Variants in ROBO2 observed in about 807,000 individuals in gnomAD.
ROBO2 encodes roundabout guidance receptor 2.
ROBO2 carries 53 observed loss-of-function variants against 160.8 expected under a neutral mutation model. That is an observed-to-expected ratio of 0.33 (90% CI 0.26 to 0.41). The LOEUF (loss-of-function observed/expected upper bound fraction) is 0.41, where lower values mean the gene tolerates loss of function less well. ROBO2 is among the 10% of genes least tolerant of loss of function. The probability of loss-of-function intolerance (pLI) is 1.00; values close to 1 mark genes in which losing one functional copy is unlikely to be tolerated. For missense variants in ROBO2, 1,577 were observed against 1,722.4 expected, an observed-to-expected ratio of 0.92 and a Z score of 1.49; for synonymous variants, 664 against 611.7, an observed-to-expected ratio of 1.09 and a Z score of -1.26.
chr3:76,297,828 G>C (rs1465097755), intron 2 of ROBO2, among the ~76,000 whole-genome samples: 1 of 151,782 alleles, frequency 6.6e-6, no homozygotes, highest in Non-Finnish European at 1.5e-5. Context: ...GAGAAACTGT[G>C]TTTCAATCTA....
At chr3:76,073,672 C>A (rs9754680) in intron 2 of ROBO2, among the ~76,000 whole-genome samples, 95,149 of 151,588 alleles carry the variant, frequency 0.63, 30,472 homozygotes, top group Middle Eastern at 0.76. Flanking sequence ...CTGAACAATA[C>A]GTTAAATTGG....
chr3:77,269,819 A>G (rs1031166756), intron 2 of ROBO2, among the ~76,000 whole-genome samples: 1 of 152,152 alleles, frequency 6.6e-6, no homozygotes, highest in Non-Finnish European at 1.5e-5. Context: ...AAATGTGGTG[A>G]GAAAAACTTT....
rs184984875 is a variant in ROBO2, at chr3:75,951,336, T to C, written c.109+13734T>C. Among the ~76,000 whole-genome samples the C allele has an allele frequency of 5.0e-4, 76 of 152,202 alleles. 1 individual carries two copies. Among genetic ancestry groups the C allele is most frequent in the Non-Finnish European group, 1.0e-3 (70 of 68,000 alleles). On this transcript the variant is annotated intron_variant, in intron 2 of 26. Coordinates refer to the ROBO2 transcript ENST00000487694. The stretch of plus-strand genomic sequence containing the variant: ...TCTGTAAAGAACTGGACAGTAAATA[T>C]TATAGGCTTTGCTGGCCATATGCAG...
chr3:77,410,998 T>G (rs1316722622), intron 2 of ROBO2, among the ~76,000 whole-genome samples: 1 of 151,926 alleles, frequency 6.6e-6, no homozygotes, highest in Non-Finnish European at 1.5e-5. Context: ...AGAGATGAGG[T>G]CTTGCTATTT....
intron 1 of ROBO2, among the ~76,000 whole-genome samples, chr3:75,927,908 A>C (rs1947350878): frequency 6.6e-6 from 1 of 151,784 alleles, no homozygotes; most frequent in Non-Finnish European, 1.5e-5. Context: ...AGATATAGAC[A>C]CACAGGTGTA....
At chr3:77,188,730 AAAAATTTAAAAATC>A in intron 2 of ROBO2, among the ~76,000 whole-genome samples, 1 of 152,054 alleles carries the variant, frequency 6.6e-6, no homozygotes, top group East Asian at 1.9e-4. Context: ...TGTGTTCACC[AAAAATTTAAAAATC>A]ACTAGTCCTG....
chr3:76,254,165 G>A (rs1706212011), intron 2 of ROBO2, among the ~76,000 whole-genome samples: 1 of 152,022 alleles, frequency 6.6e-6, no homozygotes, highest in African/African-American at 2.4e-5. Context: ...TATGATTGTA[G>A]TGATATGAAT....
chr3:75,962,546 T>G (rs1223061288), intron 2 of ROBO2, among the ~76,000 whole-genome samples: 2 of 151,874 alleles, frequency 1.3e-5, no homozygotes, highest in East Asian at 3.9e-4. Flanking sequence ...CCAAATATTG[T>G]GTATATCTGT....
At chr3:77,556,293 T>G (rs1036127239) in intron 8 of ROBO2, among the ~76,000 whole-genome samples, 1 of 151,944 alleles carries the variant, frequency 6.6e-6, no homozygotes, top group African/African-American at 2.4e-5. Flanking sequence ...TTCAATATTT[T>G]CTTAAAATGT....
At chr3:77,086,537 C>A (rs974938479) in intron 1 of ROBO2, among the ~76,000 whole-genome samples, 2 of 152,230 alleles carry the variant, frequency 1.3e-5, no homozygotes, top group South Asian at 2.1e-4. Context: ...CAAAATTTTG[C>A]ATCCGGTGCC....
chr3:76,711,678 TTAGA>T (rs534624634), intron 2 of ROBO2, among the ~76,000 whole-genome samples: 25 of 152,182 alleles, frequency 1.6e-4, no homozygotes, highest in Non-Finnish European at 2.6e-4. Context: ...TGGTGCACAC[TTAGA>T]TAGCCACACG....
intron 2 of ROBO2, among the ~76,000 whole-genome samples, chr3:77,397,342 C>G (rs4683977): frequency 0.022 from 3,282 of 152,186 alleles, 223 homozygotes; most frequent in East Asian, 0.17. Flanking sequence ...TCATTGTAAA[C>G]CCCTTAAACC....
At chr3:76,782,199 A>T (rs1375118872) in intron 2 of ROBO2, among the ~76,000 whole-genome samples, 1 of 150,580 alleles carries the variant, frequency 6.6e-6, no homozygotes, top group Non-Finnish European at 1.5e-5. Context: ...GAATTATCTG[A>T]TTTTCTTCCT....
At chr3:76,397,845 G>A (rs1214551777) in intron 2 of ROBO2, among the ~76,000 whole-genome samples, 6 of 151,226 alleles carry the variant, frequency 4.0e-5, no homozygotes, top group Non-Finnish European at 7.4e-5. Flanking sequence ...GAGAGGATGT[G>A]GAGAAATAGG....
chr3:76,020,992 G>A (rs1576512931), intron 2 of ROBO2, among the ~76,000 whole-genome samples: 1 of 151,866 alleles, frequency 6.6e-6, no homozygotes, highest in African/African-American at 2.4e-5. Flanking sequence ...ATGTTTTACT[G>A]AATGCACTTT....
At chr3:76,077,973 C>T (rs115149229) in intron 2 of ROBO2, among the ~76,000 whole-genome samples, 3 of 152,154 alleles carry the variant, frequency 2.0e-5, no homozygotes, top group Non-Finnish European at 4.4e-5. Context: ...TTAGAATGAA[C>T]CTGCAGTGCA....
At chr3:76,742,315 T>C (rs1185611880) in intron 2 of ROBO2, among the ~76,000 whole-genome samples, 1 of 152,178 alleles carries the variant, frequency 6.6e-6, no homozygotes, top group African/African-American at 2.4e-5. Flanking sequence ...CAGATATAAA[T>C]CTTGCATTCT....
At chr3:76,912,424 C>A (rs769284031) in intron 2 of ROBO2, among the ~76,000 whole-genome samples, 3 of 152,084 alleles carry the variant, frequency 2.0e-5, no homozygotes, top group Non-Finnish European at 4.4e-5. Flanking sequence ...CAGGGACAAC[C>A]CAGCACAGAT....
chr3:77,350,810 G>A (rs571312918), intron 2 of ROBO2, among the ~76,000 whole-genome samples: 63 of 152,230 alleles, frequency 4.1e-4, no homozygotes, highest in African/African-American at 1.4e-3. Flanking sequence ...ACAGCTACAC[G>A]GAACTGGACA....
Sources: gnomAD v4.1 joint callset for allele counts (sites outside exome capture counted in the v4.1 genomes callset) on GRCh38, gnomAD v4.1.1 for gene constraint, MANE v1.5 for transcripts, NCBI Gene and HGNC (gene_info 2026-07-23, HGNC 2026-07-21) for gene names.